RBFOX1: variants seen among roughly 807,000 people sequenced by gnomAD.
RBFOX1 encodes the protein RNA binding protein fox-1 homolog 1.
A neutral mutation model predicts 57.7 loss-of-function variants in RBFOX1; 8 were observed. The ratio of observed to expected loss-of-function variants is 0.14; its 90% confidence interval spans 0.08 to 0.25. The LOEUF is 0.25. Among genes scored for constraint, RBFOX1 ranks in the 10% least tolerant of loss-of-function variants. The pLI is 1.00. For missense variants in RBFOX1, 611 were observed against 548.5 expected (o/e 1.11, Z -1.14); for synonymous variants, 326 against 222.4 (o/e 1.47, Z -4.15).
intron 4 of RBFOX1, among the ~76,000 whole-genome samples, chr16:5,997,472 G>C (rs188397443): frequency 6.6e-6 from 1 of 152,278 alleles, no homozygotes; most frequent in East Asian, 1.9e-4. Context: ...TGATATGAAG[G>C]TGGGGTTTTT....
intron 3 of RBFOX1, among the ~76,000 whole-genome samples, chr16:6,759,569 A>G (rs909523256): frequency 1.3e-5 from 2 of 150,192 alleles, no homozygotes; most frequent in African/African-American, 5.0e-5. Flanking sequence ...TTTCATTGTT[A>G]GGATATGAGT....
intron 4 of RBFOX1, among the ~76,000 whole-genome samples, chr16:7,085,709 A>G (rs2059886537): frequency 6.6e-6 from 1 of 152,176 alleles, no homozygotes; most frequent in Non-Finnish European, 1.5e-5. Flanking sequence ...TCCGGAGGTG[A>G]TCTCTGTCAC....
At chr16:7,455,088 A>G (rs2058230651) in intron 4 of RBFOX1, among the ~76,000 whole-genome samples, 1 of 152,174 alleles carries the variant, frequency 6.6e-6, no homozygotes, top group African/African-American at 2.4e-5. Flanking sequence ...TCGATAGCAA[A>G]CCAGACCATT....
chr16:5,499,000 C>G (rs2043099257), intron 2 of RBFOX1, among the ~76,000 whole-genome samples: 1 of 152,162 alleles, frequency 6.6e-6, no homozygotes, highest in Admixed American at 6.5e-5. Context: ...ACCCCAGCCT[C>G]TAGGAATTCT....
In RBFOX1 at chr16:5,910,314, T is replaced by C. The variant is rs1055707256; in HGVS notation, c.351+42979T>C. 7.9e-5 allele frequency among the ~76,000 whole-genome samples: 12 copies of C among 152,178 alleles called. 1 individual carries two copies. In the Middle Eastern group the frequency reaches 0.014, roughly 173 times the overall value. ...TCACACAGAGGGGCACGTTCTCCCG[T>C]TCCCTGCCTCCATAGCACCCCAAAT... On this transcript the variant is annotated intron_variant, in intron 4 of 19. Transcript: ENST00000641259.
At chr16:5,388,120 T>G (rs1292487104) in intron 1 of RBFOX1, among the ~76,000 whole-genome samples, 2 of 152,176 alleles carry the variant, frequency 1.3e-5, no homozygotes, top group Non-Finnish European at 2.9e-5. Flanking sequence ...ATGTCAGACT[T>G]CTGACCTCCA....
At chr16:6,259,531 C>T (rs1175221079) in intron 1 of RBFOX1, among the ~76,000 whole-genome samples, 1 of 152,128 alleles carries the variant, frequency 6.6e-6, no homozygotes, top group African/African-American at 2.4e-5. Context: ...CTCACTTTGC[C>T]TTCCTGATTC....
chr16:5,597,734 T>C (rs2047233336), intron 2 of RBFOX1, among the ~76,000 whole-genome samples: 1 of 152,116 alleles, frequency 6.6e-6, no homozygotes, highest in African/African-American at 2.4e-5. Flanking sequence ...TCCCTAGAGT[T>C]GATGGTGGCC....
At chr16:7,420,160 C>A (rs941733352) in intron 4 of RBFOX1, among the ~76,000 whole-genome samples, 1 of 152,098 alleles carries the variant, frequency 6.6e-6, no homozygotes, top group African/African-American at 2.4e-5. Flanking sequence ...TATGCTCTCT[C>A]TCCAGTCTAA....
chr16:6,934,919 C>G (rs146523019), intron 3 of RBFOX1, among the ~76,000 whole-genome samples: 3,434 of 152,078 alleles, frequency 0.023, 80 homozygotes, highest in Non-Finnish European at 0.028. Context: ...AACCCTGTCT[C>G]TACCAAAAAT....
chr16:6,867,292 A>G (rs1366181660), intron 3 of RBFOX1, among the ~76,000 whole-genome samples: 1 of 151,966 alleles, frequency 6.6e-6, no homozygotes, highest in South Asian at 2.1e-4. Flanking sequence ...GGAGAGATCC[A>G]TCCATATTCT....
At chr16:7,154,182 A>G (rs1285539723) in intron 4 of RBFOX1, among the ~76,000 whole-genome samples, 3 of 152,212 alleles carry the variant, frequency 2.0e-5, no homozygotes, top group African/African-American at 4.8e-5. Context: ...TGATGTGCCA[A>G]GTGTTGTGAG....
Position 7,111,756 on chromosome 16 carries a change from C to CTT in RBFOX1, c.27+59669_27+59670dup, listed in dbSNP as rs60574147. On this transcript the variant is annotated intron_variant, in intron 4 of 15. Transcript: ENST00000550418. ...AAATTATTCTGATTGTTATTTTGTA[C>CTT]TTTTTTTTTTTTATCTTCAAGGTTC... Among the ~76,000 whole-genome samples the CTT allele has an allele frequency of 6.8e-5, 10 of 148,010 alleles. No homozygotes were observed. The East Asian group carries it at 2.0e-3, about 29-fold the overall frequency.
intron 3 of RBFOX1, among the ~76,000 whole-genome samples, chr16:5,727,733 G>T (rs1208944807): frequency 6.6e-6 from 1 of 152,158 alleles, no homozygotes; most frequent in East Asian, 1.9e-4. Context: ...TTGTCACCCA[G>T]GTTGAGTACA....
chr16:6,953,502 C>G (rs1468866818), intron 3 of RBFOX1, among the ~76,000 whole-genome samples: 1 of 152,110 alleles, frequency 6.6e-6, no homozygotes, highest in Non-Finnish European at 1.5e-5. Context: ...TCTTCTGCTT[C>G]AGCCTCCCGA....
intron 4 of RBFOX1, among the ~76,000 whole-genome samples, chr16:7,235,037 C>G (rs2093699774): frequency 6.6e-6 from 1 of 152,054 alleles, no homozygotes; most frequent in Non-Finnish European, 1.5e-5. Context: ...AGTCGAAGTG[C>G]TATGGTGGAA....
chr16:6,684,044 G>A (rs1222249064), intron 3 of RBFOX1, among the ~76,000 whole-genome samples: 1 of 152,094 alleles, frequency 6.6e-6, no homozygotes, highest in East Asian at 1.9e-4. Context: ...GCAACCTGTG[G>A]GCATCCTCAA....
intron 1 of RBFOX1, among the ~76,000 whole-genome samples, chr16:5,444,003 T>C (rs1002650264): frequency 2.0e-5 from 3 of 152,158 alleles, no homozygotes; most frequent in Non-Finnish European, 4.4e-5. Flanking sequence ...AATACGTTAA[T>C]AGAGAAAACC....
At chr16:7,681,317 C>G (rs2074677396) in intron 14 of RBFOX1, among the ~76,000 whole-genome samples, 1 of 152,138 alleles carries the variant, frequency 6.6e-6, no homozygotes, top group African/African-American at 2.4e-5. Flanking sequence ...AAGGGACCAT[C>G]TTTCTGCCCT....
Sources: gnomAD v4.1 joint callset for allele counts (sites outside exome capture counted in the v4.1 genomes callset) on GRCh38, gnomAD v4.1.1 for gene constraint, MANE v1.5 for transcripts, NCBI Gene and HGNC (gene_info 2026-07-23, HGNC 2026-07-21) for gene names.